KCNN2: variants seen among roughly 807,000 people sequenced by gnomAD.
The protein encoded by KCNN2 is potassium calcium-activated channel subfamily N member 2.
KCNN2 carries 24 observed loss-of-function variants against 55.5 expected under a neutral mutation model. The ratio of observed to expected loss-of-function variants is 0.43; its 90% CI spans 0.31 to 0.61. KCNN2 has a LOEUF of 0.61. Among genes scored for constraint, KCNN2 ranks in the 20% least tolerant of loss-of-function variants. The probability of loss-of-function intolerance (pLI) is 0.08; values close to 1 mark genes in which losing one functional copy is unlikely to be tolerated. For synonymous variants in KCNN2, 431 were observed against 336.1 expected (o/e 1.28, Z -3.09); for missense variants, 754 against 853.6 (o/e 0.88, Z 1.45).
chr5:114,379,806 T>G (rs931121534), intron 2 of KCNN2, among the ~76,000 whole-genome samples: 7 of 143,364 alleles, frequency 4.9e-5, no homozygotes, highest in African/African-American at 1.8e-4. Context: ...ATATATTATA[T>G]AACATATTAT....
chr5:114,240,975 A>G (rs937316620), intron 2 of KCNN2, among the ~76,000 whole-genome samples: 1 of 152,208 alleles, frequency 6.6e-6, no homozygotes, highest in Non-Finnish European at 1.5e-5. Flanking sequence ...TGAATTAAAA[A>G]TATATAAAAA....
intron 2 of KCNN2, among the ~76,000 whole-genome samples, chr5:114,262,440 C>T (rs1203841628): frequency 2.6e-5 from 4 of 152,070 alleles, no homozygotes; most frequent in South Asian, 2.1e-4. Flanking sequence ...GTAAGCCTTA[C>T]GAACCTTTTT....
chr5:114,136,707 A>G (rs910251778), intron 1 of KCNN2, among the ~76,000 whole-genome samples: 5 of 152,214 alleles, frequency 3.3e-5, no homozygotes, highest in African/African-American at 1.2e-4. Context: ...TTTCAATCAC[A>G]AGACTGTAGT....
At chr5:114,213,215 G>T (rs1419458382) in intron 1 of KCNN2, among the ~76,000 whole-genome samples, 1 of 151,860 alleles carries the variant, frequency 6.6e-6, no homozygotes, top group Non-Finnish European at 1.5e-5. Context: ...CATGATGTTG[G>T]GGCATACACT....
chr5:114,326,394 A>G (rs1197027918), intron 2 of KCNN2, among the ~76,000 whole-genome samples: 1 of 152,184 alleles, frequency 6.6e-6, no homozygotes, highest in Non-Finnish European at 1.5e-5. Flanking sequence ...TTGGGTGCTC[A>G]GGTGTGAGTA....
At chr5:114,151,522 C>A (rs1580562210) in intron 1 of KCNN2, among the ~76,000 whole-genome samples, 2 of 151,100 alleles carry the variant, frequency 1.3e-5, no homozygotes, top group African/African-American at 4.9e-5. Context: ...TGCAACAAAG[C>A]ACATGAAAGA....
chr5:114,356,856 T>G (rs531292332), intron 2 of KCNN2, among the ~76,000 whole-genome samples: 1 of 152,272 alleles, frequency 6.6e-6, no homozygotes, highest in Admixed American at 6.5e-5. Flanking sequence ...TTAGGGCCTT[T>G]TAATTGTTAT....
At chr5:114,379,372 C>T (rs1024623719) in intron 2 of KCNN2, among the ~76,000 whole-genome samples, 1 of 150,576 alleles carries the variant, frequency 6.6e-6, no homozygotes, top group African/African-American at 2.4e-5. Flanking sequence ...TGACTCTTCC[C>T]GGGTCCTCCT....
Position 114,077,814 on chromosome 5 carries a change from C to G in KCNN2, c.-271+21314C>G, listed in dbSNP as rs539422159. ...TTCTCTGTCCCGTCTAGGGGAAAGCCTCATTGTGGCAGAGGATCAGAGAAG... is the reference window on the plus strand; with the variant it reads ...TTCTCTGTCCCGTCTAGGGGAAAGCGTCATTGTGGCAGAGGATCAGAGAAG... On this transcript the variant is annotated intron_variant, in intron 1 of 10. Coordinates refer to the KCNN2 transcript ENST00000512097. 5.3e-5 allele frequency among the ~76,000 whole-genome samples: 8 copies of G among 152,284 alleles called. No homozygotes were observed. The East Asian group carries it at 1.5e-3, about 29-fold the overall frequency.
At chr5:114,197,574 T>G (rs773302777) in intron 1 of KCNN2, among the ~76,000 whole-genome samples, 2 of 152,188 alleles carry the variant, frequency 1.3e-5, no homozygotes, top group African/African-American at 2.4e-5. Context: ...AGCTTGCAGC[T>G]TCTGGGGTAG....
chr5:114,318,014 T>C (rs1756534530), intron 2 of KCNN2, among the ~76,000 whole-genome samples: 1 of 152,184 alleles, frequency 6.6e-6, no homozygotes, highest in Admixed American at 6.5e-5. Flanking sequence ...GGATGTTTAT[T>C]ATGGTGTACT....
chr5:114,107,092 A>T (rs957866096), intron 1 of KCNN2, among the ~76,000 whole-genome samples: 1 of 152,076 alleles, frequency 6.6e-6, no homozygotes, highest in Non-Finnish European at 1.5e-5. Flanking sequence ...CAAGGTTTTT[A>T]AAAAATTTTT....
At chr5:114,104,984 C>A (rs1751452520) in intron 1 of KCNN2, among the ~76,000 whole-genome samples, 1 of 151,986 alleles carries the variant, frequency 6.6e-6, no homozygotes, top group Admixed American at 6.6e-5. Context: ...AGTGACTTTC[C>A]CAGTGTCACC....
chr5:114,209,147 C>G (rs1355599413), intron 1 of KCNN2, among the ~76,000 whole-genome samples: 1 of 151,906 alleles, frequency 6.6e-6, no homozygotes, highest in Non-Finnish European at 1.5e-5. Flanking sequence ...GCCTCACACT[C>G]CTGGCCTCAA....
chr5:114,441,200 CA>C (rs1294444137), intron 3 of KCNN2, among the ~76,000 whole-genome samples: 1 of 151,700 alleles, frequency 6.6e-6, no homozygotes, highest in African/African-American at 2.4e-5. Context: ...TAAAATAAAA[CA>C]GTGAGCAAAC....
In KCNN2 at chr5:114,450,548, C is replaced by G. The variant is rs373665338; in HGVS notation, c.1638-12501C>G. ...TATTTTTTGATTTCCCAGAAAGTAT[C>G]AGGGGCTTGAGAATATAATTCTCTT... On this transcript the variant is annotated intron_variant, in intron 3 of 7. Coordinates refer to ENST00000673685, the MANE Select transcript of KCNN2 (RefSeq NM_021614.4). 4.6e-5 allele frequency among the ~76,000 whole-genome samples: 7 copies of G among 152,320 alleles called. No individual in the cohort carries two copies. In the East Asian group the frequency reaches 1.2e-3, roughly 25 times the overall value.
chr5:114,363,348 T>A, intron 1 of KCNN2, 87 bp downstream of exon 1: 1 of 1,415,278 alleles, frequency 7.1e-7, no homozygotes, highest in East Asian at 2.5e-5. Flanking sequence ...TGCGTGCGGA[T>A]CCCTAGCCTC....
intron 2 of KCNN2, among the ~76,000 whole-genome samples, chr5:114,298,256 G>A (rs1246948385): frequency 2.0e-5 from 3 of 152,234 alleles, no homozygotes. Context: ...CTAGGAAAGG[G>A]ACACAGAAGT....
chr5:114,156,771 A>T lies in KCNN2; in HGVS notation c.-270-64709A>T, dbSNP rs568066600. ...TAAAGTTGTTTCTCTTTTTTTTCCT[A>T]AATTCATGCCTTTTATTAATATGTT... On this transcript the variant is annotated intron_variant, in intron 1 of 10. Transcript: ENST00000512097. 1.6e-4 allele frequency among the ~76,000 whole-genome samples: 24 copies of T among 151,996 alleles called. No individual in the cohort carries two copies. The South Asian group carries it at 5.0e-3, about 31-fold the overall frequency.
Sources: gnomAD v4.1 joint callset for allele counts (sites outside exome capture counted in the v4.1 genomes callset) on GRCh38, gnomAD v4.1.1 for gene constraint, MANE v1.5 for transcripts, NCBI Gene and HGNC (gene_info 2026-07-23, HGNC 2026-07-21) for gene names.